The following TTC6 variants were observed in gnomAD, a reference collection of about 807,000 sequenced individuals.
TTC6 encodes the protein tetratricopeptide repeat protein 6.
In TTC6, 172 loss-of-function variants were observed where a neutral mutation model predicts 210.4. That is an observed-to-expected ratio of 0.82 (90% CI 0.72 to 0.93). TTC6 has a LOEUF of 0.93. Among genes scored for constraint, TTC6 ranks in the 40% least tolerant of loss-of-function variants. The pLI is 0.00. For missense variants in TTC6, 2,414 were observed against 2,318.1 expected (o/e 1.04, Z -0.85); for synonymous variants, 804 against 819.6 (o/e 0.98, Z 0.32).
At chr14:37,812,995 T>A (rs1430792778) in intron 25 of TTC6, among the ~76,000 whole-genome samples, 1 of 152,192 alleles carries the variant, frequency 6.6e-6, no homozygotes, top group Non-Finnish European at 1.5e-5. Context: ...TCATTCTCAT[T>A]TTTAACTTTT....
chr14:37,729,169 A>G (rs2095879749), intron 7 of TTC6, among the ~76,000 whole-genome samples: 1 of 152,126 alleles, frequency 6.6e-6, no homozygotes, highest in African/African-American at 2.4e-5. Context: ...GAAGATTATA[A>G]TATATATTTG....
At chr14:37,789,618 T>TATATATATA (rs57518932) in intron 15 of TTC6, among the ~76,000 whole-genome samples, 43 of 106,076 alleles carry the variant, frequency 4.1e-4, no homozygotes, top group African/African-American at 1.3e-3. Flanking sequence ...ATATATATAT[T>TATATATATA]GTATATACTC....
At chr14:37,743,342 C>T (rs1348362628) in intron 10 of TTC6, among the ~76,000 whole-genome samples, 1 of 152,186 alleles carries the variant, frequency 6.6e-6, no homozygotes, top group Non-Finnish European at 1.5e-5. Context: ...AAAAGTTCAT[C>T]CACGGTCTGC....
intron 14 of TTC6, among the ~76,000 whole-genome samples, chr14:37,760,144 C>G (rs1175048782): frequency 4.6e-5 from 7 of 152,158 alleles, no homozygotes; most frequent in Non-Finnish European, 7.4e-5. Context: ...ATTTATCTAT[C>G]TTTGATCTCT....
At chr14:37,603,999 C>A (rs2095620600) in intron 1 of TTC6, among the ~76,000 whole-genome samples, 1 of 152,172 alleles carries the variant, frequency 6.6e-6, no homozygotes, top group African/African-American at 2.4e-5. Context: ...ACAAAAAGAT[C>A]CCCCACAATT....
chr14:37,770,728 GCA>G (rs1409673690), intron 14 of TTC6, among the ~76,000 whole-genome samples: 1 of 148,042 alleles, frequency 6.8e-6, no homozygotes, highest in Non-Finnish European at 1.5e-5. Context: ...CCTGAATACA[GCA>G]CACTGATGGG....
At chr14:37,739,587 A>G (rs59520422) in intron 10 of TTC6, among the ~76,000 whole-genome samples, 50,898 of 136,742 alleles carry the variant, frequency 0.37, 10,079 homozygotes, top group Admixed American at 0.47. Flanking sequence ...AAAAAAAAAA[A>G]AAAGAAAGAC....
At chr14:37,693,935 A>T (rs908587231) in intron 3 of TTC6, among the ~76,000 whole-genome samples, 3 of 151,846 alleles carry the variant, frequency 2.0e-5, no homozygotes, top group African/African-American at 7.3e-5. Context: ...ATCAAAATTG[A>T]TTAAATAATT....
chr14:37,609,846 C>T (rs542889031), intron 2 of TTC6, among the ~76,000 whole-genome samples: 10 of 152,292 alleles, frequency 6.6e-5, no homozygotes, highest in Non-Finnish European at 1.3e-4. Flanking sequence ...AAGTAATTTA[C>T]TCCTGGCCTG....
At chr14:37,631,839 C>T (rs928384503) in intron 1 of TTC6, among the ~76,000 whole-genome samples, 1 of 152,098 alleles carries the variant, frequency 6.6e-6, no homozygotes, top group Non-Finnish European at 1.5e-5. Flanking sequence ...CTAATCTTGT[C>T]TTCACGCTTT....
intron 29 of TTC6, among the ~76,000 whole-genome samples, chr14:37,828,357 T>G (rs1234576066): frequency 1.1e-4 from 16 of 152,200 alleles, no homozygotes; most frequent in South Asian, 4.1e-4. Flanking sequence ...AGTTGGAAGC[T>G]TAATTAATTT....
At chr14:37,687,026 A>T (rs1000695463) in intron 3 of TTC6, among the ~76,000 whole-genome samples, 2 of 152,148 alleles carry the variant, frequency 1.3e-5, no homozygotes, top group African/African-American at 4.8e-5. Context: ...CTCCACAGTA[A>T]ACCAGGACAC....
At chr14:37,635,619 A>C (rs554688781) in intron 1 of TTC6, among the ~76,000 whole-genome samples, 2 of 152,208 alleles carry the variant, frequency 1.3e-5, no homozygotes, top group African/African-American at 2.4e-5. Flanking sequence ...TCATGCATAT[A>C]TTAGTTGGGA....
chr14:37,794,496 T>C (rs1220694584), intron 17 of TTC6, among the ~76,000 whole-genome samples: 4 of 151,198 alleles, frequency 2.6e-5, no homozygotes, highest in East Asian at 3.9e-4. Flanking sequence ...TTTTCAATGA[T>C]AGTTGATTTT....
chr14:37,808,293 A>G (rs1156252093), intron 23 of TTC6, among the ~76,000 whole-genome samples: 4 of 152,164 alleles, frequency 2.6e-5, no homozygotes, highest in Admixed American at 2.6e-4. Flanking sequence ...GTATCAGAGA[A>G]GAATCAAAGA....
chr14:37,751,823 C>CTTTTTT (rs71127240), intron 13 of TTC6, among the ~76,000 whole-genome samples: 11 of 125,512 alleles, frequency 8.8e-5, no homozygotes, highest in Non-Finnish European at 1.6e-4. Context: ...AGGAAATGAA[C>CTTTTTT]TTTTTTTTTT....
At chr14:37,825,451 T>G (rs1255611471) in intron 27 of TTC6, among the ~76,000 whole-genome samples, 4 of 152,076 alleles carry the variant, frequency 2.6e-5, no homozygotes, top group Non-Finnish European at 5.9e-5. Flanking sequence ...GCTTCCGAGA[T>G]CTGGCAAGAT....
chr14:37,621,541 C>T (rs1002880327), upstream of TTC6, among the ~76,000 whole-genome samples: 4 of 151,970 alleles, frequency 2.6e-5, no homozygotes, highest in Admixed American at 6.6e-5. Flanking sequence ...CCCAGGAGGC[C>T]GAGGCTGCAC....
intron 1 of TTC6, among the ~76,000 whole-genome samples, chr14:37,674,511 A>G (rs986913250): frequency 6.6e-6 from 1 of 152,132 alleles, no homozygotes; most frequent in Non-Finnish European, 1.5e-5. Context: ...TCCTCATAAT[A>G]AGCATATGAG....
Sources: gnomAD v4.1 joint callset for allele counts (sites outside exome capture counted in the v4.1 genomes callset) on GRCh38, gnomAD v4.1.1 for gene constraint, MANE v1.5 for transcripts, NCBI Gene and HGNC (gene_info 2026-07-23, HGNC 2026-07-21) for gene names.